The following JAK1 variants were observed in gnomAD, a reference collection of about 807,000 sequenced individuals.
JAK1 encodes the protein tyrosine-protein kinase JAK1.
Under a neutral mutation model 136.6 loss-of-function variants are expected in JAK1, and 16 were observed. The observed-to-expected ratio is 0.12, with a 90% CI of 0.08 to 0.18. The LOEUF is 0.18. Ranked by LOEUF, JAK1 falls within the 10% of genes least tolerant of loss-of-function variation. The pLI is 1.00. For synonymous variants in JAK1, 492 were observed against 519.5 expected, an observed-to-expected ratio of 0.95 and a Z score of 0.72; for missense variants, 859 against 1,450.1, an observed-to-expected ratio of 0.59 and a Z score of 6.62.
rs12561970 is a variant in JAK1, at chr1:64,885,353, C to T, written c.6+906G>A. Among the ~76,000 whole-genome samples the T allele has an allele frequency of 8.1e-4, 124 of 152,282 alleles. 2 individuals carry two copies. In the East Asian group the frequency reaches 0.017, roughly 21 times the overall value. On this transcript the variant is annotated intron_variant, in intron 2 of 24. Transcript: ENST00000342505. ...CTTTGTCCTTGAGAGTCTTTATAGA[C>T]GTGACAGGGGAAGAATCCAAAGACA...
At chr1:64,949,184 G>C (rs1646039241) in intron 1 of JAK1, among the ~76,000 whole-genome samples, 1 of 152,126 alleles carries the variant, frequency 6.6e-6, no homozygotes, top group Non-Finnish European at 1.5e-5. Context: ...TTATAGAATT[G>C]TTTATCCTGG....
chr1:64,922,032 A>G (rs573581665), intron 1 of JAK1, among the ~76,000 whole-genome samples: 36 of 152,068 alleles, frequency 2.4e-4, no homozygotes, highest in Admixed American at 2.1e-3. Flanking sequence ...ACAGATGGAC[A>G]TTTAGACATT....
chr1:64,854,398 C>T (rs141829723), intron 11 of JAK1, among the ~76,000 whole-genome samples: 119 of 152,244 alleles, frequency 7.8e-4, no homozygotes, highest in South Asian at 1.2e-3. Context: ...AAGAACCTGA[C>T]GCATGAAGGG....
At chr1:65,037,398 C>T (rs2100827282) in intron 2 of JAK1, among the ~76,000 whole-genome samples, 1 of 152,162 alleles carries the variant, frequency 6.6e-6, no homozygotes, top group South Asian at 2.1e-4. Flanking sequence ...GCCTCAGCCT[C>T]CCAAGTAGCT....
At chr1:64,914,982 T>C (rs1645368338) in intron 1 of JAK1, among the ~76,000 whole-genome samples, 1 of 152,198 alleles carries the variant, frequency 6.6e-6, no homozygotes, top group African/African-American at 2.4e-5. Context: ...AAAAAAGCTC[T>C]CTGATTTTTT....
chr1:64,952,291 A>C (rs1646105790), intron 1 of JAK1, among the ~76,000 whole-genome samples: 1 of 152,212 alleles, frequency 6.6e-6, no homozygotes, highest in Admixed American at 6.5e-5. Context: ...TGTGAAACCA[A>C]GGGCCAGGTT....
chr1:64,860,419 C>CTTATTTATTT (rs1557641713), intron 8 of JAK1, among the ~76,000 whole-genome samples, 157 bp from the exon 9 acceptor site: 55 of 73,878 alleles, frequency 7.4e-4, no homozygotes, highest in Middle Eastern at 5.0e-3. Context: ...CCCTTGCATG[C>CTTATTTATTT]ATTTATTTAT....
intron 1 of JAK1, among the ~76,000 whole-genome samples, chr1:65,059,683 C>T (rs1468669705): frequency 6.6e-6 from 1 of 152,146 alleles, no homozygotes; most frequent in Non-Finnish European, 1.5e-5. Context: ...GGAATTCAGG[C>T]ATCAGAATAT....
chr1:64,998,783 A>G (rs1472020993), intron 2 of JAK1, among the ~76,000 whole-genome samples: 3 of 152,174 alleles, frequency 2.0e-5, no homozygotes, highest in African/African-American at 7.2e-5. Flanking sequence ...CCGTCCATGT[A>G]AGATGTGACT....
intron 2 of JAK1, among the ~76,000 whole-genome samples, chr1:65,005,133 G>A (rs546829514): frequency 7.2e-4 from 109 of 152,038 alleles, no homozygotes; most frequent in Admixed American, 1.0e-3. Flanking sequence ...TTTATCAAAC[G>A]AAAACTGTAA....
At chr1:64,943,804 C>T (rs1645931731) in intron 1 of JAK1, among the ~76,000 whole-genome samples, 1 of 147,420 alleles carries the variant, frequency 6.8e-6, no homozygotes, top group South Asian at 2.2e-4. Context: ...TGACAGAAAA[C>T]TAATATCCTT....
intron 8 of JAK1, 37 bp downstream of exon 8, chr1:64,864,750 C>T (rs1383521893): frequency 1.3e-6 from 2 of 1,497,258 alleles, no homozygotes; most frequent in African/African-American, 1.4e-5. Context: ...CCTCTCATCA[C>T]CAGATCCAGA....
At chr1:64,904,949 C>T (rs550588161) in intron 1 of JAK1, among the ~76,000 whole-genome samples, 1 of 152,240 alleles carries the variant, frequency 6.6e-6, no homozygotes, top group Non-Finnish European at 1.5e-5. Context: ...AACCCAAACA[C>T]CTGGGAAAAA....
intron 1 of JAK1, among the ~76,000 whole-genome samples, chr1:65,048,138 T>C (rs143762362): frequency 6.6e-6 from 1 of 152,268 alleles, no homozygotes; most frequent in East Asian, 1.9e-4. Flanking sequence ...TGTCATGATT[T>C]GGGGGTTCTG....
chr1:64,846,520 A>G (rs1418205605), intron 14 of JAK1, 129 bp downstream of exon 14: 5 of 674,026 alleles, frequency 7.4e-6, no homozygotes, highest in Non-Finnish European at 1.3e-5. Flanking sequence ...CAGTCCCTCA[A>G]TCTCCTCAAC....
chr1:65,001,718 T>G, intron 2 of JAK1, among the ~76,000 whole-genome samples: 1 of 147,954 alleles, frequency 6.8e-6, no homozygotes, highest in Non-Finnish European at 1.5e-5. Context: ...AGCAAGTGTG[T>G]GTGCGTGTGG....
At chr1:64,838,879 C>T (rs1654667578) in intron 20 of JAK1, among the ~76,000 whole-genome samples, 1 of 152,094 alleles carries the variant, frequency 6.6e-6, no homozygotes, top group Admixed American at 6.5e-5. Context: ...GGCGCGGTGG[C>T]TCACGCTTGT....
intron 2 of JAK1, 32 bp from the exon 3 acceptor site, chr1:64,883,507 C>A: frequency 6.3e-7 from 1 of 1,582,610 alleles, no homozygotes; most frequent in South Asian, 1.1e-5. Flanking sequence ...ACTATGTGGT[C>A]ACTCTATGTG....
intron 1 of JAK1, chr1:65,067,565 C>G (rs1227597343): frequency 6.8e-6 from 1 of 146,272 alleles, no homozygotes. Flanking sequence ...CCCCGCGCGC[C>G]CCGCCGCCCC....
Sources: gnomAD v4.1 joint callset for allele counts (sites outside exome capture counted in the v4.1 genomes callset) on GRCh38, gnomAD v4.1.1 for gene constraint, MANE v1.5 for transcripts, NCBI Gene and HGNC (gene_info 2026-07-23, HGNC 2026-07-21) for gene names.